Variants in SLC25A48 observed in about 807,000 individuals in gnomAD.
SLC25A48 encodes solute carrier family 25 member 48.
SLC25A48 carries 29 observed loss-of-function variants against 32.2 expected under a neutral mutation model. The ratio of observed to expected loss-of-function variants is 0.90; its 90% CI spans 0.67 to 1.23. The LOEUF is 1.23. Among genes scored for constraint, SLC25A48 ranks in the 50% most tolerant of loss-of-function variants. The probability of loss-of-function intolerance (pLI) is 0.00; values close to 1 mark genes in which losing one functional copy is unlikely to be tolerated. For synonymous variants in SLC25A48, 164 were observed against 172.3 expected (o/e 0.95, Z 0.38); for missense variants, 399 against 422.7 (o/e 0.94, Z 0.49).
intron 3 of SLC25A48, among the ~76,000 whole-genome samples, chr5:135,645,000 T>C (rs1267474203): frequency 1.3e-5 from 2 of 152,172 alleles, no homozygotes; most frequent in Non-Finnish European, 2.9e-5. Flanking sequence ...GGGATCCGCT[T>C]TCCTGTCTCC....
rs1045452647 is a variant in SLC25A48, at chr5:135,782,682, G to A, written c.-520-29841G>A. ...CCGTGATATCGTTCCTAATAACCAG[G>A]AAGGGAGAGGATATTACTCCCAATA... On this transcript the variant is annotated intron_variant, in intron 3 of 10. Coordinates refer to the SLC25A48 transcript ENST00000646290. 3.4e-5 allele frequency among the ~76,000 whole-genome samples: 4 copies of A among 117,994 alleles called. 1 individual carries two copies. The highest frequency in any genetic ancestry group is 1.0e-4 in the African/African-American group (4 of 38,760). The allele number at this position is 117,994 out of a possible 152,430, so 77.4% of individuals were successfully genotyped here.
chr5:135,732,216 C>T (rs532803834), intron 3 of SLC25A48, among the ~76,000 whole-genome samples: 4 of 125,660 alleles, frequency 3.2e-5, no homozygotes, highest in East Asian at 2.2e-4. Flanking sequence ...GATTGAGGAC[C>T]GTAAGGGGTG....
intron 3 of SLC25A48, among the ~76,000 whole-genome samples, chr5:135,656,010 C>T (rs368468727): frequency 6.6e-6 from 1 of 152,154 alleles, no homozygotes; most frequent in African/African-American, 2.4e-5. Context: ...CACGTTGACT[C>T]ATGTCTTTCT....
chr5:135,825,361 G>C (rs1758010382), intron 4 of SLC25A48, among the ~76,000 whole-genome samples: 1 of 152,198 alleles, frequency 6.6e-6, no homozygotes, highest in African/African-American at 2.4e-5. Flanking sequence ...CGAAGCTTGT[G>C]GTCTATAACA....
At chr5:135,846,814 A>G (rs926483467) in intron 2 of SLC25A48, among the ~76,000 whole-genome samples, 4 of 152,208 alleles carry the variant, frequency 2.6e-5, no homozygotes, top group African/African-American at 9.6e-5. Flanking sequence ...TATAAGAAGA[A>G]AAGTACAGAA....
chr5:135,700,364 T>A (rs1461080179), intron 3 of SLC25A48, among the ~76,000 whole-genome samples: 6 of 92,254 alleles, frequency 6.5e-5, no homozygotes, highest in African/African-American at 9.0e-5. Context: ...AGAGCAAGAC[T>A]CTGTCTCAAA....
upstream of SLC25A48, among the ~76,000 whole-genome samples, chr5:135,831,765 T>G (rs1758215635): frequency 6.6e-6 from 1 of 152,220 alleles, no homozygotes; most frequent in South Asian, 2.1e-4. Flanking sequence ...TTGGAATTTA[T>G]GCTCAAGATC....
intron 3 of SLC25A48, among the ~76,000 whole-genome samples, chr5:135,811,690 G>A (rs1580905117): frequency 6.6e-6 from 1 of 152,006 alleles, no homozygotes; most frequent in African/African-American, 2.4e-5. Flanking sequence ...TTAAAAATGA[G>A]TAAGTAATTT....
At chr5:135,794,762 G>A (rs1228166378) in intron 3 of SLC25A48, among the ~76,000 whole-genome samples, 1 of 151,458 alleles carries the variant, frequency 6.6e-6, no homozygotes, top group African/African-American at 2.4e-5. Context: ...AAATATCCAA[G>A]TGAAGAGATA....
intron 3 of SLC25A48, among the ~76,000 whole-genome samples, chr5:135,800,335 G>A (rs896187039): frequency 2.0e-5 from 3 of 151,934 alleles, no homozygotes; most frequent in Admixed American, 6.6e-5. Context: ...TTAGGGAGCA[G>A]AAGATAATAT....
At chr5:135,673,092 G>A (rs1453647629) in intron 3 of SLC25A48, among the ~76,000 whole-genome samples, 1 of 152,130 alleles carries the variant, frequency 6.6e-6, no homozygotes. Context: ...GTATTCCACT[G>A]TATGGATATA....
At chr5:135,726,585 G>A (rs1755094829) in intron 3 of SLC25A48, among the ~76,000 whole-genome samples, 1 of 152,124 alleles carries the variant, frequency 6.6e-6, no homozygotes, top group Non-Finnish European at 1.5e-5. Flanking sequence ...TCTTTGGATT[G>A]GCTTTTCTTA....
chr5:135,818,118 T>TCC (rs1580912931), intron 4 of SLC25A48, among the ~76,000 whole-genome samples: 8 of 136,694 alleles, frequency 5.9e-5, no homozygotes, highest in African/African-American at 1.7e-4. Flanking sequence ...TCTCTCTCTC[T>TCC]CCCTCTGTTT....
intron 3 of SLC25A48, among the ~76,000 whole-genome samples, chr5:135,755,485 C>T (rs539366168): frequency 1.3e-5 from 2 of 151,910 alleles, no homozygotes; most frequent in Non-Finnish European, 2.9e-5. Context: ...CTTATCATAT[C>T]ATATCTAGTG....
intron 3 of SLC25A48, among the ~76,000 whole-genome samples, chr5:135,653,212 C>T (rs1753159400): frequency 6.6e-6 from 1 of 152,158 alleles, no homozygotes; most frequent in Admixed American, 6.5e-5. Flanking sequence ...GTTATAACTG[C>T]ATAAACAGAC....
chr5:135,751,704 C>T (rs768997811), intron 3 of SLC25A48, among the ~76,000 whole-genome samples: 17 of 152,022 alleles, frequency 1.1e-4, no homozygotes, highest in African/African-American at 3.4e-4. Flanking sequence ...CATGGTGGTG[C>T]GTGCCTGTAG....
intron 3 of SLC25A48, among the ~76,000 whole-genome samples, chr5:135,684,167 C>T (rs949573791): frequency 2.6e-5 from 4 of 152,130 alleles, no homozygotes; most frequent in Admixed American, 6.5e-5. Flanking sequence ...AGTTTTCCTC[C>T]TTCTCCTGAT....
intron 4 of SLC25A48, among the ~76,000 whole-genome samples, chr5:135,862,246 C>T (rs547897841): frequency 9.8e-4 from 149 of 152,372 alleles, no homozygotes; most frequent in Non-Finnish European, 1.5e-3. Context: ...TAATGACACT[C>T]ACTCCTCCCC....
rs1223825701 is a variant in SLC25A48 at position 135,602,589 on chromosome 5, T to A, written c.-849+22992T>A. ...GGCTTTGTAGCCATCAGTCCTTGCA[T>A]GGAGTTTTCTTTTTTTTTTTCTTTC... On this transcript the variant is annotated intron_variant, in intron 1 of 10. Coordinates refer to the SLC25A48 transcript ENST00000646290. Among the ~76,000 whole-genome samples the A allele has an allele frequency of 4.1e-5, 6 of 146,570 alleles. No individual in the cohort carries two copies. In the East Asian group the frequency reaches 1.2e-3, roughly 29 times the overall value.
Sources: allele counts gnomAD v4.1 joint callset (sites outside exome capture counted in the v4.1 genomes callset), GRCh38; gene constraint gnomAD v4.1.1; transcripts MANE v1.5; gene names NCBI Gene and HGNC (gene_info 2026-07-23, HGNC 2026-07-21).